GPC5: variants seen among roughly 807,000 people sequenced by gnomAD.
GPC5 encodes glypican-5.
In GPC5, 47 loss-of-function variants were observed where a neutral mutation model predicts 53.9. That is an observed-to-expected ratio of 0.87 (90% CI 0.69 to 1.11). GPC5 has a LOEUF of 1.11. Among genes scored for constraint, GPC5 ranks in the 50% most tolerant of loss-of-function variants. The probability of loss-of-function intolerance (pLI) is 0.00; values close to 1 mark genes in which losing one functional copy is unlikely to be tolerated. For missense variants in GPC5, 748 were observed against 713.1 expected (o/e 1.05, Z -0.56); for synonymous variants, 286 against 263.3 (o/e 1.09, Z -0.84).
intron 7 of GPC5, among the ~76,000 whole-genome samples, chr13:92,152,523 A>G (rs1441117654): frequency 6.6e-6 from 1 of 152,130 alleles, no homozygotes; most frequent in Non-Finnish European, 1.5e-5. Context: ...AATTAGTAAT[A>G]AAGGAATGTT....
chr13:92,740,944 G>GTA (rs1421237068), intron 7 of GPC5, among the ~76,000 whole-genome samples: 1 of 96,884 alleles, frequency 1.0e-5, no homozygotes, highest in Non-Finnish European at 2.2e-5. Flanking sequence ...ATGTATGTGT[G>GTA]TATATATATG....
At chr13:92,785,684 C>T (rs1876203393) in intron 7 of GPC5, among the ~76,000 whole-genome samples, 1 of 152,140 alleles carries the variant, frequency 6.6e-6, no homozygotes, top group South Asian at 2.1e-4. Flanking sequence ...TGAAAAGGTG[C>T]TATGTATCCA....
chr13:91,902,146 A>T (rs1487939598), intron 5 of GPC5, among the ~76,000 whole-genome samples: 2 of 152,036 alleles, frequency 1.3e-5, no homozygotes, highest in Non-Finnish European at 2.9e-5. Flanking sequence ...GTAAGTGCAC[A>T]TCAGAATACT....
At chr13:92,684,589 C>A (rs994397450) in intron 7 of GPC5, among the ~76,000 whole-genome samples, 2 of 152,036 alleles carry the variant, frequency 1.3e-5, no homozygotes, top group African/African-American at 4.8e-5. Context: ...TTTTATATAG[C>A]ACTGAATAAT....
chr13:92,428,088 C>A (rs1271723213), intron 7 of GPC5, among the ~76,000 whole-genome samples: 1 of 151,960 alleles, frequency 6.6e-6, no homozygotes, highest in African/African-American at 2.4e-5. Context: ...AGAAAGAGTC[C>A]TATTACTACC....
intron 7 of GPC5, among the ~76,000 whole-genome samples, chr13:92,152,563 C>G: frequency 6.6e-6 from 1 of 151,924 alleles, no homozygotes; most frequent in Non-Finnish European, 1.5e-5. Context: ...TGGTGAAACC[C>G]TGGCTCTACT....
intron 1 of GPC5, among the ~76,000 whole-genome samples, chr13:91,415,080 G>C (rs1878092745): frequency 2.0e-5 from 3 of 152,118 alleles, no homozygotes; most frequent in Admixed American, 2.0e-4. Flanking sequence ...TGTTGCTGGA[G>C]ATAACCCACC....
chr13:91,534,507 A>G (rs532048870), intron 2 of GPC5, among the ~76,000 whole-genome samples: 3 of 152,358 alleles, frequency 2.0e-5, no homozygotes, highest in Admixed American at 2.0e-4. Flanking sequence ...AGGGCAGTCC[A>G]TACTGAGAAA....
chr13:92,101,869 GA>G (rs990439726), intron 6 of GPC5, among the ~76,000 whole-genome samples: 12 of 152,210 alleles, frequency 7.9e-5, no homozygotes, highest in African/African-American at 2.9e-4. Context: ...ATTTTAAAGG[GA>G]AAAATAAATC....
chr13:92,764,548 G>A (rs1293907804), intron 7 of GPC5, among the ~76,000 whole-genome samples: 2 of 152,152 alleles, frequency 1.3e-5, no homozygotes, highest in Admixed American at 1.3e-4. Flanking sequence ...TGGTTATGGG[G>A]GCTGCTGGCT....
At chr13:92,332,791 T>G (rs1356082671) in intron 7 of GPC5, among the ~76,000 whole-genome samples, 1 of 152,196 alleles carries the variant, frequency 6.6e-6, no homozygotes, top group African/African-American at 2.4e-5. Flanking sequence ...AGGCTCTGCC[T>G]TAATGAAAAG....
At chr13:92,037,401 T>C (rs990293458) in intron 6 of GPC5, among the ~76,000 whole-genome samples, 2 of 152,210 alleles carry the variant, frequency 1.3e-5, no homozygotes, top group African/African-American at 2.4e-5. Context: ...TGTTTTACAG[T>C]CACCTCTCTA....
At chr13:92,621,575 C>T (rs1474624670) in intron 7 of GPC5, among the ~76,000 whole-genome samples, 2 of 152,138 alleles carry the variant, frequency 1.3e-5, no homozygotes, top group African/African-American at 4.8e-5. Context: ...AATCCCAGCA[C>T]TTTGGGAGGA....
chr13:92,077,209 C>A (rs1005279921), intron 6 of GPC5, among the ~76,000 whole-genome samples: 1 of 152,198 alleles, frequency 6.6e-6, no homozygotes, highest in Admixed American at 6.5e-5. Flanking sequence ...CCACCTTGGG[C>A]ACATGTTCTC....
chr13:92,171,845 C>A (rs1172852746), intron 7 of GPC5, among the ~76,000 whole-genome samples: 1 of 152,188 alleles, frequency 6.6e-6, no homozygotes, highest in Non-Finnish European at 1.5e-5. Flanking sequence ...CTGAGCTCTT[C>A]ATGCCTGCTA....
intron 7 of GPC5, among the ~76,000 whole-genome samples, chr13:92,632,463 C>CACAT: frequency 8.3e-6 from 1 of 120,116 alleles, no homozygotes; most frequent in Admixed American, 8.1e-5. Context: ...AAATATTCCA[C>CACAT]ATATATATAT....
intron 7 of GPC5, among the ~76,000 whole-genome samples, chr13:92,317,892 T>G (rs1018556835): frequency 6.6e-6 from 1 of 152,162 alleles, no homozygotes; most frequent in Non-Finnish European, 1.5e-5. Flanking sequence ...CTCGACAGTA[T>G]AAAAATTTTA....
chr13:92,036,872 T>A (rs374821873), intron 6 of GPC5, among the ~76,000 whole-genome samples: 2 of 152,156 alleles, frequency 1.3e-5, no homozygotes, highest in Admixed American at 1.3e-4. Context: ...ATCCAGTATT[T>A]CTCTCTAACT....
intron 7 of GPC5, among the ~76,000 whole-genome samples, chr13:92,401,133 GC>G (rs1875537764): frequency 6.6e-6 from 1 of 151,580 alleles, no homozygotes; most frequent in Non-Finnish European, 1.5e-5. Context: ...TTATACACTG[GC>G]TACTATTTTT....
Sources: gnomAD v4.1 joint callset for allele counts (sites outside exome capture counted in the v4.1 genomes callset) on GRCh38, gnomAD v4.1.1 for gene constraint, MANE v1.5 for transcripts, NCBI Gene and HGNC (gene_info 2026-07-23, HGNC 2026-07-21) for gene names.